GTF3C5: variants seen among roughly 807,000 people sequenced by gnomAD.
GTF3C5 encodes general transcription factor 3C polypeptide 5.
GTF3C5 carries 47 observed loss-of-function variants against 61.0 expected under a neutral mutation model. That is an observed-to-expected ratio of 0.77 (90% CI 0.61 to 0.98). The LOEUF (loss-of-function observed/expected upper bound fraction) is 0.98. GTF3C5 is among the 50% of genes least tolerant of loss of function. The pLI, the probability that GTF3C5 is intolerant of heterozygous loss-of-function variation, is 0.00. For synonymous variants in GTF3C5, 295 were observed against 275.4 expected (o/e 1.07, Z -0.71); for missense variants, 659 against 703.3 (o/e 0.94, Z 0.71).
chr9:133,057,921 T>C lies in GTF3C5; in HGVS notation c.1501T>C (p.Phe501Leu). ...EEEEEEEEEDFKPSDGSENEM... is the reference protein window; with the variant it reads ...EEEEEEEEEDLKPSDGSENEM... ...GGAGGAGGAAGAGGAGGAGGAGGAC[T>C]TCAAGCCATCCGACGGCAGTGAAAA... The change falls in exon 11 of 11, where the codon TTC becomes CTC. Residue 501 changes from phenylalanine (F) to leucine (L), a missense_variant. Transcript: ENST00000372097. 6.2e-7 allele frequency: 1 copy of C among 1,613,958 alleles called. No individual in the cohort carries two copies. The highest frequency in any genetic ancestry group is 8.5e-7 in the Non-Finnish European group (1 of 1,179,990).
chr9:133,031,003 C>A lies in GTF3C5; in HGVS notation c.-9C>A, dbSNP rs770006836. ...ACGGACCCTGGCGGGCCCTGCCAGA[C>A]GCACAGGGATGGCGGCGGAGGCGGC... On this transcript the variant is annotated 5_prime_UTR_variant, in exon 1 of 11. Coordinates refer to ENST00000372097, the MANE Select transcript of GTF3C5 (RefSeq NM_012087.4). 2 of 1,612,182 alleles carry A rather than the reference C, an allele frequency of 1.2e-6. No individual in the cohort carries two copies. The highest frequency in any genetic ancestry group is 1.7e-5 in the Admixed American group (1 of 59,860).
At chr9:133,054,128 A>C (rs1393666425) in intron 6 of GTF3C5, among the ~76,000 whole-genome samples, 186 bp downstream of exon 6, 1 of 152,190 alleles carries the variant, frequency 6.6e-6, no homozygotes. Context: ...TGCTGGCCCC[A>C]CCACTGACCG....
At position 133,051,501 on chromosome 9, in the gene GTF3C5, G is replaced by A. The variant is rs531382999; in HGVS notation, c.768+523G>A. ...CTGTGGGAGACCACGTGGATGTCTT[G>A]TTGATTTCCAGCAGTCACTGGGGCA... On this transcript the variant is annotated intron_variant, in intron 4 of 10. Coordinates refer to ENST00000372097, the MANE Select transcript of GTF3C5 (RefSeq NM_012087.4). Among the ~76,000 whole-genome samples, 23 of 152,354 alleles carry A rather than the reference G, an allele frequency of 1.5e-4. No homozygotes were observed. In the East Asian group the frequency reaches 2.7e-3, roughly 18 times the overall value.
chr9:133,053,085 C>T (rs939757128), intron 5 of GTF3C5, among the ~76,000 whole-genome samples: 9 of 152,208 alleles, frequency 5.9e-5, no homozygotes, highest in Non-Finnish European at 1.3e-4. Context: ...AGTGATCTGC[C>T]TGTCTCGGTC....
At chr9:133,051,092 C>G in intron 4 of GTF3C5, 114 bp downstream of exon 4, 2 of 724,864 alleles carry the variant, frequency 2.8e-6, no homozygotes, top group Non-Finnish European at 4.4e-6. Context: ...GACCTTTACC[C>G]ATTCCTTAGT....
intron 1 of GTF3C5, among the ~76,000 whole-genome samples, chr9:133,036,203 G>T (rs1304368127): frequency 2.6e-5 from 4 of 152,158 alleles, no homozygotes; most frequent in Non-Finnish European, 5.9e-5. Context: ...TCATGCTCAG[G>T]TCCTTTTAGA....
chr9:133,036,477 G>C (rs1342645837), intron 1 of GTF3C5, among the ~76,000 whole-genome samples: 1 of 152,116 alleles, frequency 6.6e-6, no homozygotes, highest in Admixed American at 6.5e-5. Flanking sequence ...CAGGTTACTG[G>C]ATCTAAAACT....
intron 4 of GTF3C5, among the ~76,000 whole-genome samples, chr9:133,051,389 C>T (rs866036198): frequency 3.3e-5 from 5 of 152,206 alleles, no homozygotes; most frequent in Admixed American, 2.6e-4. Context: ...TTGCGGGTGC[C>T]GTGGAGTCCT....
chr9:133,050,167 G>C (rs1267820276), intron 3 of GTF3C5, among the ~76,000 whole-genome samples: 2 of 152,218 alleles, frequency 1.3e-5, no homozygotes, highest in East Asian at 3.9e-4. Context: ...CAGCCTTCTC[G>C]ATGGGAGTCC....
At chr9:133,057,024 C>A in intron 10 of GTF3C5, 116 bp downstream of exon 10, 1 of 1,002,694 alleles carries the variant, frequency 1.0e-6, no homozygotes, top group Non-Finnish European at 1.4e-6. Flanking sequence ...ATCATCTTGC[C>A]CCTGGCCCTG....
intron 3 of GTF3C5, among the ~76,000 whole-genome samples, chr9:133,048,183 C>T (rs1254108158): frequency 6.6e-6 from 1 of 151,814 alleles, no homozygotes; most frequent in Non-Finnish European, 1.5e-5. Flanking sequence ...GCAGCATACT[C>T]TTGTCAGAAA....
Position 133,055,409 on chromosome 9 carries a change from C to T in GTF3C5, c.1167+600C>T, listed in dbSNP as rs1317668152. The T allele has an allele frequency of 3.9e-6, 5 of 1,280,284 alleles. No homozygotes were observed. In the East Asian group the frequency reaches 2.2e-4, roughly 56 times the overall value. The allele number at this position is 1,280,284 out of a possible 1,614,324, so 79.3% of individuals were successfully genotyped here. On this transcript the variant is annotated intron_variant, in intron 8 of 10. Transcript: ENST00000372097. ...CGGGTGATGCGAGGGACTTGCTGTCCCCCAGTGTCTGGGGCCCTGCCTATT... is the reference window on the plus strand; with the variant it reads ...CGGGTGATGCGAGGGACTTGCTGTCTCCCAGTGTCTGGGGCCCTGCCTATT...
At chr9:133,051,236 G>A (rs777678558) in intron 4 of GTF3C5, among the ~76,000 whole-genome samples, 4 of 152,250 alleles carry the variant, frequency 2.6e-5, no homozygotes, top group Non-Finnish European at 5.9e-5. Context: ...TGACATAAAC[G>A]TGGAGCTCTG....
At chr9:133,034,478 G>A (rs909738215) in intron 1 of GTF3C5, among the ~76,000 whole-genome samples, 4 of 152,140 alleles carry the variant, frequency 2.6e-5, no homozygotes, top group Non-Finnish European at 4.4e-5. Flanking sequence ...GGAAAGAAAA[G>A]GAAAAATAGA....
chr9:133,045,234 C>T (rs559432857), intron 3 of GTF3C5, among the ~76,000 whole-genome samples: 10 of 152,310 alleles, frequency 6.6e-5, no homozygotes, highest in Middle Eastern at 3.4e-3. Context: ...GCTGTGAGTG[C>T]ATCTCACCCA....
chr9:133,034,564 C>A (rs1849813887), intron 1 of GTF3C5, among the ~76,000 whole-genome samples: 1 of 152,160 alleles, frequency 6.6e-6, no homozygotes, highest in Non-Finnish European at 1.5e-5. Context: ...TTTTCCCTGT[C>A]TGTGGACATT....
rs1433637053 is a variant in GTF3C5 at position 133,031,040 on chromosome 9, T to G, written c.29T>G (p.Leu10Arg). The change falls in exon 1 of 11, where the codon CTG (leucine) becomes CGG (arginine). Residue 10 changes from leucine (L) to arginine (R), a missense_variant. Transcript: ENST00000372097. ...GCGGCGGAGGCGGCCGATTTGGGGCTGGGGGCCGCCGTCCCCGTGGAGCTG... is the reference window on the plus strand; with the variant it reads ...GCGGCGGAGGCGGCCGATTTGGGGCGGGGGGCCGCCGTCCCCGTGGAGCTG... MAAEAADLG[L>R]GAAVPVELRR... 1 of 1,612,180 alleles carries G rather than the reference T, an allele frequency of 6.2e-7. No individual in the cohort carries two copies. The highest frequency in any genetic ancestry group is 1.7e-5 in the Admixed American group (1 of 59,904).
In GTF3C5 at chr9:133,050,876, G is replaced by A. The variant is rs1850350033; in HGVS notation, c.666G>A (p.Glu222=). Residue 222 remains glutamate (E), a synonymous_variant, in exon 4 of 11, where the codon GAG becomes GAA. Transcript: ENST00000372097. ...ACAATGCCATCTTTGTCAACTTTGA[G>A]GATGAGGAGGTGCCCAAGCAGCCAC... ...RPHNAIFVNF[E]DEEVPKQPLE... is the part of the protein sequence containing the mutation. 1.2e-6 allele frequency: 2 copies of A among 1,613,568 alleles called. No individual in the cohort carries two copies. The highest frequency in any genetic ancestry group is 1.7e-6 in the Non-Finnish European group (2 of 1,179,794).
At position 133,053,813 on chromosome 9, in the gene GTF3C5, A is replaced by G. The variant is rs7863758; in HGVS notation, c.874-15A>G. 1.9e-6 allele frequency: 3 copies of G among 1,561,508 alleles called. No individual in the cohort carries two copies. Among genetic ancestry groups the G allele is most frequent in the South Asian group, 1.1e-5 (1 of 89,218 alleles). On this transcript the variant is annotated splice_polypyrimidine_tract_variant and intron_variant, in intron 5 of 10. Transcript: ENST00000372097. ...CTTCACCTCACCTCACATTTTCCCC[A>G]CTTTTCTGTCCCAGATAACAGGCCC...
Sources: gnomAD v4.1 joint callset for allele counts (sites outside exome capture counted in the v4.1 genomes callset) on GRCh38, gnomAD v4.1.1 for gene constraint, MANE v1.5 for transcripts, NCBI Gene and HGNC (gene_info 2026-07-23, HGNC 2026-07-21) for gene names.